The following XRN2 variants were observed in gnomAD, a reference collection of about 807,000 sequenced individuals.
XRN2 encodes 5'-3' exoribonuclease 2.
A neutral mutation model predicts 138.5 loss-of-function variants in XRN2; 44 were observed. The observed-to-expected ratio is 0.32, with a 90% CI of 0.25 to 0.41. The LOEUF (loss-of-function observed/expected upper bound fraction) is 0.41, where lower values mean the gene tolerates loss of function less well. Among genes scored for constraint, XRN2 ranks in the 10% least tolerant of loss-of-function variants. The pLI is 1.00. For missense variants in XRN2, 937 were observed against 1,169.3 expected (o/e 0.80, Z 2.90); for synonymous variants, 354 against 369.4 (o/e 0.96, Z 0.48).
chr20:21,317,691 T>TA (rs2037979312), intron 1 of XRN2, among the ~76,000 whole-genome samples: 1 of 152,170 alleles, frequency 6.6e-6, no homozygotes, highest in African/African-American at 2.4e-5. Context: ...GTAAATGCTG[T>TA]GTGAATAGTT....
intron 24 of XRN2, among the ~76,000 whole-genome samples, chr20:21,358,706 AACT>A (rs1479813649): frequency 6.6e-6 from 1 of 152,224 alleles, no homozygotes; most frequent in African/African-American, 2.4e-5. Flanking sequence ...ATTTAAAGAA[AACT>A]ACTGTGAATT....
In XRN2 at chr20:21,356,160, C is replaced by G. The variant is rs2038573714; in HGVS notation, c.2101C>G (p.Gln701Glu). 1.9e-6 allele frequency: 3 copies of G among 1,609,600 alleles called. No homozygotes were observed. In the African/African-American group the frequency reaches 4.0e-5, roughly 22 times the overall value. ...PLHDFILELYQTGSTEPVEVP... is the reference protein window; with the variant it reads ...PLHDFILELYETGSTEPVEVP... ...CCATGACTTCATTTTAGAGCTGTAC[C>G]AGACAGGTTCCACAGAGGTATGTTA... The change falls in exon 22 of 30, where the codon CAG becomes GAG. Residue 701 changes from glutamine (Q) to glutamate (E), a missense_variant. By Grantham distance (29) the Gln-to-Glu change is conservative. Transcript: ENST00000377191.
chr20:21,342,688 G>A (rs1315140298), intron 15 of XRN2, among the ~76,000 whole-genome samples: 1 of 152,202 alleles, frequency 6.6e-6, no homozygotes, highest in Admixed American at 6.5e-5. Context: ...CATGTAGGCA[G>A]CATGCCAGTA....
Position 21,369,518 on chromosome 20 carries a change from C to A in XRN2, c.2584+928C>A, listed in dbSNP as rs114256743. ...CATGAGAGTTCCCTTTTCTCCATAT[C>A]CTCACTGGCATTTGTTATTGCCTGT... On this transcript the variant is annotated intron_variant, in intron 27 of 29. Transcript: ENST00000377191. Among the ~76,000 whole-genome samples, 468 of 152,308 alleles carry A rather than the reference C, an allele frequency of 3.1e-3. 6 individuals carry two copies. Among genetic ancestry groups the A allele is most frequent in the African/African-American group, 0.011 (458 of 41,564 alleles).
chr20:21,328,977 GA>G (rs2038165604), intron 4 of XRN2, among the ~76,000 whole-genome samples: 1 of 152,152 alleles, frequency 6.6e-6, no homozygotes, highest in Non-Finnish European at 1.5e-5. Flanking sequence ...CTGTAGAATA[GA>G]AATATAGTAA....
intron 28 of XRN2, among the ~76,000 whole-genome samples, chr20:21,385,385 C>T (rs114963300): frequency 3.6e-4 from 55 of 152,284 alleles, no homozygotes; most frequent in African/African-American, 1.1e-3. Flanking sequence ...TCTCTGCACA[C>T]GGAGCTCTTC....
intron 28 of XRN2, among the ~76,000 whole-genome samples, chr20:21,384,641 C>CA (rs1301903303): frequency 1.3e-5 from 2 of 152,192 alleles, no homozygotes; most frequent in African/African-American, 4.8e-5. Flanking sequence ...CAGGCTCCCA[C>CA]ACCACCATGC....
At chr20:21,362,985 T>C (rs1337106214) in intron 24 of XRN2, among the ~76,000 whole-genome samples, 1 of 152,166 alleles carries the variant, frequency 6.6e-6, no homozygotes, top group African/African-American at 2.4e-5. Flanking sequence ...CCTGGGACCC[T>C]TTCCATATCT....
intron 1 of XRN2, among the ~76,000 whole-genome samples, chr20:21,322,693 T>G (rs2038063090): frequency 6.6e-6 from 1 of 152,264 alleles, no homozygotes; most frequent in African/African-American, 2.4e-5. Flanking sequence ...AATGTATATT[T>G]ATACAAACAT....
intron 27 of XRN2, among the ~76,000 whole-genome samples, chr20:21,374,515 G>T (rs1212423564): frequency 6.6e-6 from 1 of 152,054 alleles, no homozygotes; most frequent in Non-Finnish European, 1.5e-5. Flanking sequence ...TTTCTAGTGG[G>T]TATTGAATTT....
rs756245949 is a variant in XRN2, at chr20:21,333,626, G to T, written c.933+8G>T. The T allele has an allele frequency of 6.2e-7, 1 of 1,613,772 alleles. No individual in the cohort carries two copies. Among genetic ancestry groups the T allele is most frequent in the South Asian group, 1.1e-5 (1 of 91,080 alleles). On this transcript the variant is annotated splice_region_variant and intron_variant, in intron 10 of 29. Transcript: ENST00000377191. Reference sequence around the variant, plus strand: ...CTTAATGTTCTTCGTGAGGTATGTAGCAATAATCATTGAAATCAGCACTCT... The same window carrying T: ...CTTAATGTTCTTCGTGAGGTATGTATCAATAATCATTGAAATCAGCACTCT...
intron 20 of XRN2, among the ~76,000 whole-genome samples, chr20:21,352,894 G>A (rs1298206043): frequency 6.6e-6 from 1 of 151,916 alleles, no homozygotes; most frequent in African/African-American, 2.4e-5. Flanking sequence ...GTGAGATAAT[G>A]CATGTAACAT....
At chr20:21,352,369 C>T (rs905558842) in intron 20 of XRN2, among the ~76,000 whole-genome samples, 2 of 151,898 alleles carry the variant, frequency 1.3e-5, no homozygotes, top group Non-Finnish European at 2.9e-5. Context: ...ACTCTGTTGC[C>T]CAGGCTGGAG....
At chr20:21,355,273 A>G (rs1163174553) in intron 21 of XRN2, among the ~76,000 whole-genome samples, 1 of 152,210 alleles carries the variant, frequency 6.6e-6, no homozygotes, top group Non-Finnish European at 1.5e-5. Context: ...GGTTAGGGTG[A>G]AACAAAAGCA....
intron 27 of XRN2, among the ~76,000 whole-genome samples, chr20:21,379,869 G>A (rs1264803201): frequency 6.6e-6 from 1 of 152,148 alleles, no homozygotes; most frequent in Non-Finnish European, 1.5e-5. Flanking sequence ...ATCTCCATTA[G>A]CACAGTTTCT....
Position 21,340,760 on chromosome 20 carries a change from C to A in XRN2, c.1318C>A (p.Pro440Thr). 1.2e-6 allele frequency: 2 copies of A among 1,613,952 alleles called. No homozygotes were observed. Among genetic ancestry groups the A allele is most frequent in the Middle Eastern group, 1.7e-4 (1 of 6,058 alleles). The change falls in exon 15 of 30, where the codon CCT becomes ACT. Residue 440 changes from proline to threonine, a missense_variant. This residue lies in a region of XRN2 where 471 missense variants were observed against 581.2 expected (regional missense o/e 0.81). Transcript: ENST00000377191. Reference protein sequence around the residue: ...PAFTPSGILTPHALGSRNSPG... With the variant: ...PAFTPSGILTTHALGSRNSPG... ...TTTCACTCCTAGTGGAATATTAACTCCTCATGCCTTGGGTTCAAGAAATTC... is the reference window on the plus strand; with the variant it reads ...TTTCACTCCTAGTGGAATATTAACTACTCATGCCTTGGGTTCAAGAAATTC...
At chr20:21,364,077 G>A (rs1269327522) in intron 24 of XRN2, among the ~76,000 whole-genome samples, 5 of 151,982 alleles carry the variant, frequency 3.3e-5, no homozygotes, top group African/African-American at 9.7e-5. Flanking sequence ...GACTACAGGC[G>A]CCCGCCACCA....
At chr20:21,377,264 C>CTTTTTTTTTCTT (rs1555788237) in intron 27 of XRN2, among the ~76,000 whole-genome samples, 3 of 82,782 alleles carry the variant, frequency 3.6e-5, no homozygotes, top group East Asian at 5.4e-4. Flanking sequence ...TCGGTTTTTT[C>CTTTTTTTTTCTT]TTTTTTTTTT....
At chr20:21,342,464 A>C (rs540886731) in intron 15 of XRN2, among the ~76,000 whole-genome samples, 1 of 152,310 alleles carries the variant, frequency 6.6e-6, no homozygotes, top group African/African-American at 2.4e-5. Context: ...TTAAATGGTG[A>C]ACAGCATTTT....
Sources: gnomAD v4.1 joint callset for allele counts (sites outside exome capture counted in the v4.1 genomes callset) on GRCh38, gnomAD v4.1.1 for gene constraint, gnomAD v4.1.1 regional missense constraint, MANE v1.5 for transcripts, NCBI Gene and HGNC (gene_info 2026-07-23, HGNC 2026-07-21) for gene names.